STMN3: variants seen among roughly 807,000 people sequenced by gnomAD.
The protein encoded by STMN3 is stathmin-3.
Under a neutral mutation model 23.2 loss-of-function variants are expected in STMN3, and 24 were observed. The observed-to-expected ratio is 1.03, with a 90% CI of 0.75 to 1.45. The LOEUF (loss-of-function observed/expected upper bound fraction) is 1.45, where lower values mean the gene tolerates loss of function less well. Ranked by LOEUF, STMN3 falls within the 40% of genes most tolerant of loss-of-function variation. The probability of loss-of-function intolerance (pLI) is 0.00; values close to 1 mark genes in which losing one functional copy is unlikely to be tolerated. For missense variants in STMN3, 235 were observed against 237.6 expected (o/e 0.99, Z 0.07); for synonymous variants, 117 against 103.4 (o/e 1.13, Z -0.80).
At chr20:63,642,388 C>A in intron 3 of STMN3, 89 bp from the exon 4 acceptor site, 1 of 1,012,210 alleles carries the variant, frequency 9.9e-7, no homozygotes, top group East Asian at 3.5e-5. Flanking sequence ...CGCCCAGCGC[C>A]CGCTCGCCTC....
chr20:63,647,896 A>G (rs2089827167), intron 1 of STMN3, among the ~76,000 whole-genome samples: 2 of 129,572 alleles, frequency 1.5e-5, no homozygotes, highest in Admixed American at 8.3e-5. Flanking sequence ...ATATATACGT[A>G]TATATACACG....
chr20:63,642,445 C>A (rs1458413788), intron 3 of STMN3, 146 bp from the exon 4 acceptor site: 4 of 349,428 alleles, frequency 1.1e-5, no homozygotes, highest in Non-Finnish European at 2.0e-5. Context: ...CCGGGACCCC[C>A]GGGCGCTGCC....
intron 3 of STMN3, 46 bp downstream of exon 3, chr20:63,643,710 G>C: frequency 2.7e-6 from 4 of 1,484,044 alleles, no homozygotes; most frequent in Non-Finnish European, 3.6e-6. Context: ...CCCGTGGGCC[G>C]CCTCCGTTGA....
intron 1 of STMN3, among the ~76,000 whole-genome samples, chr20:63,653,115 C>A (rs959106437): frequency 6.6e-6 from 1 of 151,396 alleles, no homozygotes; most frequent in Admixed American, 6.6e-5. Flanking sequence ...CGGTCCCGAG[C>A]GCTCCCCGGC....
rs1165301691 is a variant in STMN3 at position 63,647,936 on chromosome 20, A to ATATATG, written c.20-3628_20-3627insCATATA. Among the ~76,000 whole-genome samples the ATATATG allele has an allele frequency of 9.4e-4, 76 of 80,838 alleles. 2 individuals carry two copies. The highest frequency in any genetic ancestry group is 3.4e-3 in the African/African-American group (69 of 20,568). The allele number at this position is 80,838 out of a possible 152,430, so 53.0% of individuals were successfully genotyped here. A position where few individuals can be genotyped will look rare whatever the true frequency, so the allele number is the denominator to read the frequency against. Reference sequence around the variant, plus strand: ...TATATATTAATATATATACGTATATATGTGTGTGTGTGTATATATATATGT... The same window carrying ATATATG: ...TATATATTAATATATATACGTATATATATATGTGTGTGTGTGTGTATATATATATGT... On this transcript the variant is annotated intron_variant, in intron 1 of 4. Coordinates refer to ENST00000370053, the MANE Select transcript of STMN3 (RefSeq NM_015894.4).
In STMN3 at chr20:63,639,779, G is replaced by A. The variant is rs1186525979; in HGVS notation, c.*1559C>T. 5.2e-5 allele frequency: 8 copies of A among 152,396 alleles called. No homozygotes were observed. 9.4% of individuals were successfully genotyped at this position (152,396 alleles called of 1,614,324 possible). On this transcript the variant is annotated 3_prime_UTR_variant, in exon 5 of 5. Coordinates refer to ENST00000370053, the MANE Select transcript of STMN3 (RefSeq NM_015894.4). ...ATTTTTAAGTTCACTTTACTACGTG[G>A]ATGAGATGGGTGCATATTACAGTAG... is the stretch of plus-strand genomic sequence containing the variant.
Position 63,642,317 on chromosome 20 carries a change from G to A in STMN3, c.292-18C>T, listed in dbSNP as rs1377791436. 3.5e-6 allele frequency: 5 copies of A among 1,442,052 alleles called. No individual in the cohort carries two copies. The highest frequency in any genetic ancestry group is 2.9e-5 in the East Asian group (1 of 35,020). The allele number at this position is 1,442,052 out of a possible 1,614,324, so 89.3% of individuals were successfully genotyped here. On this transcript the variant is annotated intron_variant, in intron 3 of 4. Transcript: ENST00000370053. The stretch of plus-strand genomic sequence containing the variant: ...TCCTGCGTCTGTGCGGGGCCGGCGG[G>A]CGCGCGTGAGCGGCAACCCCGGGCC...
At chr20:63,647,302 CAA>C (rs60956194) in intron 1 of STMN3, among the ~76,000 whole-genome samples, 12 of 112,218 alleles carry the variant, frequency 1.1e-4, no homozygotes, top group Admixed American at 1.9e-4. Flanking sequence ...ACTCCCGTCT[CAA>C]AAAAAAAAAA....
chr20:63,643,560 C>G (rs1298744224), intron 3 of STMN3, 196 bp downstream of exon 3: 1 of 876,628 alleles, frequency 1.1e-6, no homozygotes, highest in Non-Finnish European at 1.4e-6. Context: ...GGATTACAGG[C>G]GTGAGCCACC....
intron 1 of STMN3, among the ~76,000 whole-genome samples, chr20:63,645,845 T>C (rs1006350685): frequency 2.6e-5 from 4 of 151,868 alleles, no homozygotes; most frequent in Admixed American, 2.0e-4. Context: ...CCTAGCTACT[T>C]GGGAGGCTGA....
intron 4 of STMN3, 67 bp from the exon 5 acceptor site, chr20:63,641,464 G>C: frequency 2.9e-6 from 4 of 1,399,270 alleles, no homozygotes; most frequent in Middle Eastern, 2.4e-4. Flanking sequence ...GAACCCCCAG[G>C]CGCGCAGGCC....
At chr20:63,647,798 CGT>C (rs1420697941) in intron 1 of STMN3, among the ~76,000 whole-genome samples, 1 of 113,676 alleles carries the variant, frequency 8.8e-6, no homozygotes, top group Non-Finnish European at 1.8e-5. Flanking sequence ...AATATATATA[CGT>C]ATATATACAC....
intron 4 of STMN3, 89 bp from the exon 5 acceptor site, chr20:63,641,486 G>A: frequency 9.0e-7 from 1 of 1,106,202 alleles, no homozygotes. Context: ...TGGCGCCCTG[G>A]CACCCGCCCG....
intron 1 of STMN3, among the ~76,000 whole-genome samples, chr20:63,646,425 G>T (rs2089809687): frequency 6.6e-6 from 1 of 151,996 alleles, no homozygotes; most frequent in South Asian, 2.1e-4. Flanking sequence ...TGCGATCTCG[G>T]CTCACCGCAA....
At chr20:63,647,714 GTATATATATTATATACA>G (rs1569069862) in intron 1 of STMN3, among the ~76,000 whole-genome samples, 1 of 109,054 alleles carries the variant, frequency 9.2e-6, no homozygotes, top group Non-Finnish European at 2.0e-5. Flanking sequence ...ATATACACGT[GTATATATATTATATACA>G]TATATATACA....
intron 1 of STMN3, among the ~76,000 whole-genome samples, chr20:63,649,039 T>C (rs2089838525): frequency 6.6e-6 from 1 of 152,076 alleles, no homozygotes; most frequent in African/African-American, 2.4e-5. Context: ...CGTGTCCAAC[T>C]GAGAGGTGAG....
chr20:63,653,275 G>A (rs1345973081), intron 1 of STMN3, 52 bp downstream of exon 1: 3 of 1,537,594 alleles, frequency 2.0e-6, no homozygotes, highest in African/African-American at 1.4e-5. Flanking sequence ...GGCCAGACGA[G>A]GCCTCTGCTC....
At chr20:63,650,445 GCCGTCCA>G (rs2146122630) in intron 1 of STMN3, among the ~76,000 whole-genome samples, 1 of 134,926 alleles carries the variant, frequency 7.4e-6, no homozygotes, top group East Asian at 2.3e-4. Flanking sequence ...CACCCCTCCC[GCCGTCCA>G]GGTGGATGGT....
At chr20:63,642,669 C>T (rs754497204) in intron 3 of STMN3, among the ~76,000 whole-genome samples, 2 of 152,256 alleles carry the variant, frequency 1.3e-5, no homozygotes, top group Admixed American at 6.5e-5. Context: ...TGTGGGCGGT[C>T]TCTGAGCTTT....
Sources: allele counts gnomAD v4.1 joint callset (sites outside exome capture counted in the v4.1 genomes callset), GRCh38; gene constraint gnomAD v4.1.1; transcripts MANE v1.5; gene names NCBI Gene and HGNC (gene_info 2026-07-23, HGNC 2026-07-21).